LARP4: variants seen among roughly 807,000 people sequenced by gnomAD.
The protein encoded by LARP4 is La ribonucleoprotein 4.
A neutral mutation model predicts 92.9 loss-of-function variants in LARP4; 29 were observed. The ratio of observed to expected loss-of-function variants is 0.31; its 90% CI spans 0.23 to 0.43. The LOEUF is 0.43. Among genes scored for constraint, LARP4 ranks in the 20% least tolerant of loss-of-function variants. The pLI, the probability that LARP4 is intolerant of heterozygous loss-of-function variation, is 1.00. For synonymous variants in LARP4, 279 were observed against 284.1 expected (o/e 0.98, Z 0.18); for missense variants, 732 against 860.0 (o/e 0.85, Z 1.86).
At chr12:50,469,645 T>A (rs954988206) in intron 13 of LARP4, among the ~76,000 whole-genome samples, 8 of 140,082 alleles carry the variant, frequency 5.7e-5, no homozygotes, top group Non-Finnish European at 1.2e-4. Flanking sequence ...GCACAGTGGC[T>A]CAAGCCTGTA....
At position 50,417,147 on chromosome 12, in the gene LARP4, C is replaced by T. The variant is rs1314463124; in HGVS notation, c.19-10615C>T. ...TACTTATGCCAGGTATGGTGGCTCA[C>T]GCCTATAATCCCAGCACTTTGGGAG... On this transcript the variant is annotated intron_variant, in intron 1 of 15. Coordinates refer to ENST00000398473, the MANE Select transcript of LARP4 (RefSeq NM_052879.5). 2.6e-5 allele frequency among the ~76,000 whole-genome samples: 4 copies of T among 151,950 alleles called. No individual in the cohort carries two copies. In the East Asian group the frequency reaches 5.8e-4, roughly 22 times the overall value.
intron 1 of LARP4, among the ~76,000 whole-genome samples, chr12:50,426,133 C>G (rs1341452154): frequency 6.6e-6 from 1 of 152,094 alleles, no homozygotes; most frequent in Non-Finnish European, 1.5e-5. Context: ...CAGGATCCCC[C>G]TTCCCTGAGG....
rs1156794175 is a variant in LARP4, at chr12:50,441,658, T to G, written c.804+15T>G. On this transcript the variant is annotated intron_variant, in intron 8 of 15. Coordinates refer to ENST00000398473, the MANE Select transcript of LARP4 (RefSeq NM_052879.5). Reference sequence around the variant, plus strand: ...AGCCAATTATGGTAAGAAATAGAGATCAGTGTGAAACCAGAACAGGTTTTG... The same window carrying G: ...AGCCAATTATGGTAAGAAATAGAGAGCAGTGTGAAACCAGAACAGGTTTTG... 2 of 1,577,334 alleles carry G rather than the reference T, an allele frequency of 1.3e-6. No homozygotes were observed. Among genetic ancestry groups the G allele is most frequent in the Non-Finnish European group, 1.7e-6 (2 of 1,155,712 alleles).
At chr12:50,431,126 G>A (rs1027324700) in intron 4 of LARP4, among the ~76,000 whole-genome samples, 3 of 152,068 alleles carry the variant, frequency 2.0e-5, no homozygotes, top group African/African-American at 7.2e-5. Flanking sequence ...AAATTAGCGG[G>A]GCATGGTGGT....
intron 1 of LARP4, among the ~76,000 whole-genome samples, chr12:50,418,257 C>T (rs1947184125): frequency 6.6e-6 from 1 of 152,194 alleles, no homozygotes; most frequent in Non-Finnish European, 1.5e-5. Flanking sequence ...CAACCTTCGC[C>T]TCCCAAAGTG....
intron 13 of LARP4, 101 bp from the exon 14 acceptor site, chr12:50,473,314 T>C: frequency 1.3e-6 from 1 of 783,410 alleles, no homozygotes; most frequent in South Asian, 1.8e-5. Flanking sequence ...CATTTTATGA[T>C]GACTAATGAT....
chr12:50,434,392 A>T (rs903248119), intron 4 of LARP4, among the ~76,000 whole-genome samples: 1 of 150,640 alleles, frequency 6.6e-6, no homozygotes, highest in Non-Finnish European at 1.5e-5. Flanking sequence ...TTAATATTAA[A>T]TATATATTTT....
chr12:50,437,459 T>C (rs1040005571), intron 5 of LARP4, among the ~76,000 whole-genome samples: 2 of 152,186 alleles, frequency 1.3e-5, no homozygotes, highest in Non-Finnish European at 2.9e-5. Context: ...TTATTAGATA[T>C]ATGTTGTATG....
rs1463126671 is a variant in LARP4, at chr12:50,476,831, T to G, written c.*967T>G. On this transcript the variant is annotated 3_prime_UTR_variant, in exon 16 of 16. Coordinates refer to ENST00000398473, the MANE Select transcript of LARP4 (RefSeq NM_052879.5). The stretch of plus-strand genomic sequence containing the variant: ...TTTGTAATTGCTTTGAGCAGTCTAG[T>G]CAAATCATATAAATTGTTCTAAATT... 2 of 152,604 alleles carry G rather than the reference T, an allele frequency of 1.3e-5. No homozygotes were observed. Among genetic ancestry groups the G allele is most frequent in the African/African-American group, 4.8e-5 (2 of 41,450 alleles). The allele number at this position is 152,604 out of a possible 1,614,324, so 9.5% of individuals were successfully genotyped here. A position where few individuals can be genotyped will look rare whatever the true frequency, so the allele number is the denominator to read the frequency against.
chr12:50,464,017 A>G (rs917499169), intron 12 of LARP4, among the ~76,000 whole-genome samples: 15 of 152,058 alleles, frequency 9.9e-5, no homozygotes, highest in Admixed American at 3.9e-4. Context: ...CGTCATCTCT[A>G]TCTTCTTTTG....
chr12:50,442,648 CTG>C (rs1454595365), intron 8 of LARP4, among the ~76,000 whole-genome samples: 1 of 152,204 alleles, frequency 6.6e-6, no homozygotes, highest in African/African-American at 2.4e-5. Context: ...GTGTTGAACT[CTG>C]TGTGTCACTT....
At chr12:50,462,464 G>A (rs567758064) in intron 11 of LARP4, 118 bp from the exon 12 acceptor site, 13 of 638,712 alleles carry the variant, frequency 2.0e-5, no homozygotes, top group East Asian at 1.5e-4. Flanking sequence ...GCGACAGAGC[G>A]AGACTCCATC....
chr12:50,426,002 A>T (rs1948648347), intron 1 of LARP4, among the ~76,000 whole-genome samples: 1 of 152,030 alleles, frequency 6.6e-6, no homozygotes, highest in Non-Finnish European at 1.5e-5. Context: ...CCTTCTCTAG[A>T]ATCTCTCTAC....
At position 50,471,101 on chromosome 12, in the gene LARP4, C is replaced by A. The variant is rs529043448; in HGVS notation, c.1546-2314C>A. 4.6e-5 allele frequency among the ~76,000 whole-genome samples: 7 copies of A among 152,114 alleles called. No homozygotes were observed. In the South Asian group the frequency reaches 1.5e-3, roughly 32 times the overall value. On this transcript the variant is annotated intron_variant, in intron 13 of 15. Coordinates refer to ENST00000398473, the MANE Select transcript of LARP4 (RefSeq NM_052879.5). Reference sequence around the variant, plus strand: ...GCCAAGAGTTTGAGACCAGCCTAGTCAACATAGCAAGACCCCCATCTCTAA... The same window carrying A: ...GCCAAGAGTTTGAGACCAGCCTAGTAAACATAGCAAGACCCCCATCTCTAA...
intron 9 of LARP4, among the ~76,000 whole-genome samples, chr12:50,453,928 CTT>C (rs1415960468): frequency 6.6e-6 from 1 of 152,080 alleles, no homozygotes; most frequent in Non-Finnish European, 1.5e-5. Flanking sequence ...TGCCCGGCCA[CTT>C]TTTGGCTTTT....
At chr12:50,462,323 T>TA (rs1389454407) in intron 11 of LARP4, among the ~76,000 whole-genome samples, 3 of 151,986 alleles carry the variant, frequency 2.0e-5, no homozygotes, top group African/African-American at 7.2e-5. Context: ...GTACTACAAA[T>TA]ACCAAAATTA....
intron 15 of LARP4, 83 bp downstream of exon 15, chr12:50,474,250 A>G: frequency 1.8e-6 from 2 of 1,116,316 alleles, no homozygotes; most frequent in South Asian, 3.2e-5. Context: ...CTTTGTTAGA[A>G]CAGAGTCATT....
chr12:50,475,557 G>A lies in LARP4; in HGVS notation c.1868G>A (p.Cys623Tyr). 6.2e-7 allele frequency: 1 copy of A among 1,613,742 alleles called. No individual in the cohort carries two copies. The highest frequency in any genetic ancestry group is 8.5e-7 in the Non-Finnish European group (1 of 1,179,906). Residue 623 changes from cysteine to tyrosine, a missense_variant, in exon 16 of 16, where the codon TGC (cysteine) becomes TAC (tyrosine). Coordinates refer to ENST00000398473, the MANE Select transcript of LARP4 (RefSeq NM_052879.5). The part of the protein sequence containing the change: ...EPRKLSYAEV[C>Y]QKPPKEPSSV... Reference sequence around the variant, plus strand: ...CGAAAGTTAAGTTATGCTGAAGTGTGCCAGAAGCCCCCTAAAGAGCCATCT... The same window carrying A: ...CGAAAGTTAAGTTATGCTGAAGTGTACCAGAAGCCCCCTAAAGAGCCATCT...
At chr12:50,470,898 A>G (rs1445759472) in intron 13 of LARP4, among the ~76,000 whole-genome samples, 3 of 152,214 alleles carry the variant, frequency 2.0e-5, no homozygotes, top group Non-Finnish European at 4.4e-5. Flanking sequence ...CTGCATTGAC[A>G]GAATTCTTCT....
Sources: gnomAD v4.1 joint callset for allele counts (sites outside exome capture counted in the v4.1 genomes callset) on GRCh38, gnomAD v4.1.1 for gene constraint, MANE v1.5 for transcripts, NCBI Gene and HGNC (gene_info 2026-07-23, HGNC 2026-07-21) for gene names.